XRN1: variants seen among roughly 807,000 people sequenced by gnomAD.
XRN1 encodes strand-exchange protein 1 homolog.
In XRN1, 67 loss-of-function variants were observed where a neutral mutation model predicts 222.3. The ratio of observed to expected loss-of-function variants is 0.30; its 90% CI spans 0.25 to 0.37. The LOEUF is 0.37. Ranked by LOEUF, XRN1 falls within the 10% of genes least tolerant of loss-of-function variation. The pLI is 1.00. For missense variants in XRN1, 1,707 were observed against 2,000.2 expected, an observed-to-expected ratio of 0.85 and a Z score of 2.80; for synonymous variants, 643 against 652.4, an observed-to-expected ratio of 0.99 and a Z score of 0.22.
Position 142,400,453 on chromosome 3 carries a change from C to G in XRN1, c.2198G>C (p.Gly733Ala). Residue 733 changes from glycine (G) to alanine (A), a missense_variant, in exon 19 of 41, where the codon GGA (glycine) becomes GCA (alanine). Around this residue, in one of 2 missense-constraint regions of XRN1, gnomAD observed 1,234 missense variants for 1,518.2 expected, o/e 0.81. Transcript: ENST00000392981. ...ATCAAATCTTACTTACTTAGTTTCT[C>G]CATCTGATACAGCCACGACTCTAGC... ...EEARVVAVSD[G>A]ETKFYLEEPP... 6.2e-7 allele frequency: 1 copy of G among 1,604,158 alleles called. No individual in the cohort carries two copies. The highest frequency in any genetic ancestry group is 2.2e-5 in the East Asian group (1 of 44,708).
At chr3:142,395,169 G>A (rs997034705) in intron 20 of XRN1, among the ~76,000 whole-genome samples, 4 of 152,164 alleles carry the variant, frequency 2.6e-5, no homozygotes, top group Non-Finnish European at 5.9e-5. Context: ...CTCAGGGGCA[G>A]AGCAACAGTA....
chr3:142,341,515 G>A (rs1315250136), intron 33 of XRN1, among the ~76,000 whole-genome samples: 1 of 151,426 alleles, frequency 6.6e-6, no homozygotes, highest in Non-Finnish European at 1.5e-5. Context: ...AAAGGAGGAA[G>A]GGAAGACCAA....
chr3:142,425,339 A>G lies in XRN1; in HGVS notation c.517-7T>C, dbSNP rs2069200309. The G allele has an allele frequency of 6.3e-7, 1 of 1,593,514 alleles. No individual in the cohort carries two copies. Among genetic ancestry groups the G allele is most frequent in the South Asian group, 1.2e-5 (1 of 86,852 alleles). The stretch of plus-strand genomic sequence containing the variant: ...GCTCTCCTTCTCCAGGAGTCTAAAT[A>G]AAATTGTTTTTAAAAATGCAGTAAT... On this transcript the variant is annotated splice_region_variant and splice_polypyrimidine_tract_variant and intron_variant, in intron 4 of 40. Transcript: ENST00000392981.
chr3:142,438,940 C>A (rs13071736), intron 1 of XRN1, among the ~76,000 whole-genome samples: 1 of 149,766 alleles, frequency 6.7e-6, no homozygotes, highest in Non-Finnish European at 1.5e-5. Flanking sequence ...CTAACAAGGA[C>A]CCCCCTTTAA....
intron 19 of XRN1, among the ~76,000 whole-genome samples, chr3:142,399,958 A>C (rs1399907829): frequency 6.6e-6 from 1 of 151,986 alleles, no homozygotes; most frequent in Non-Finnish European, 1.5e-5. Flanking sequence ...ATAATAAAAA[A>C]ACGACAAAAA....
At chr3:142,346,235 T>G (rs1210184276) in intron 33 of XRN1, among the ~76,000 whole-genome samples, 2 of 152,204 alleles carry the variant, frequency 1.3e-5, no homozygotes, top group Non-Finnish European at 1.5e-5. Context: ...TCCCTCCATA[T>G]CTGTGGAAGA....
intron 32 of XRN1, among the ~76,000 whole-genome samples, chr3:142,350,575 C>T (rs2066276312): frequency 6.6e-6 from 1 of 152,124 alleles, no homozygotes; most frequent in Non-Finnish European, 1.5e-5. Flanking sequence ...ACTCTGCCTG[C>T]TGTCTTGAGA....
intron 1 of XRN1, among the ~76,000 whole-genome samples, chr3:142,434,612 T>A (rs1277852234): frequency 6.8e-6 from 1 of 146,986 alleles, no homozygotes; most frequent in Admixed American, 7.0e-5. Flanking sequence ...AAAAGAAGAA[T>A]AAGCTGGGTG....
chr3:142,417,292 CGGT>C, intron 12 of XRN1, 63 bp from the exon 13 acceptor site: 9 of 1,343,792 alleles, frequency 6.7e-6, no homozygotes, highest in Non-Finnish European at 9.5e-6. Flanking sequence ...CTTTAGAGCA[CGGT>C]ATCTGCTGAT....
chr3:142,335,530 A>C, intron 33 of XRN1, 21 bp from the exon 34 acceptor site: 1 of 1,601,640 alleles, frequency 6.2e-7, no homozygotes, highest in Non-Finnish European at 8.5e-7. Context: ...GAAAACAGAA[A>C]TTTTCATAAA....
chr3:142,441,308 C>T (rs1011950367), intron 1 of XRN1, among the ~76,000 whole-genome samples: 1 of 152,170 alleles, frequency 6.6e-6, no homozygotes, highest in African/African-American at 2.4e-5. Flanking sequence ...ATTAAGGAAA[C>T]TCAGAAAGCC....
intron 13 of XRN1, among the ~76,000 whole-genome samples, chr3:142,414,537 C>T (rs2068712267): frequency 6.6e-6 from 1 of 151,614 alleles, no homozygotes; most frequent in Non-Finnish European, 1.5e-5. Flanking sequence ...GCTCTGTTGC[C>T]CAGGCTGGAG....
chr3:142,373,990 A>G (rs773170400), intron 25 of XRN1, among the ~76,000 whole-genome samples: 2 of 152,140 alleles, frequency 1.3e-5, no homozygotes, highest in African/African-American at 4.8e-5. Flanking sequence ...AAACAAAGCA[A>G]AACAAAAATA....
intron 39 of XRN1, among the ~76,000 whole-genome samples, chr3:142,315,064 A>G (rs1363623827): frequency 6.7e-6 from 1 of 149,140 alleles, no homozygotes; most frequent in Non-Finnish European, 1.5e-5. Context: ...CCTCCTGAAT[A>G]GCTGGAACTA....
chr3:142,418,717 A>G, intron 11 of XRN1, 98 bp downstream of exon 11: 1 of 1,479,180 alleles, frequency 6.8e-7, no homozygotes, highest in Non-Finnish European at 9.3e-7. Flanking sequence ...ATGCTATCAC[A>G]GAAATCTGTT....
rs545180339 is a variant in XRN1, at chr3:142,440,864, G to A, written c.75+7006C>T. On this transcript the variant is annotated intron_variant, in intron 1 of 40. Coordinates refer to ENST00000392981, the MANE Select transcript of XRN1 (RefSeq NM_001282857.2). ...CCTTTGAAGAGCCTTCGAACCCAACGTCTTAACTCACCTGGACTGTTTTAC... is the reference window on the plus strand; with the variant it reads ...CCTTTGAAGAGCCTTCGAACCCAACATCTTAACTCACCTGGACTGTTTTAC... Among the ~76,000 whole-genome samples, 8 of 152,288 alleles carry A rather than the reference G, an allele frequency of 5.3e-5. No individual in the cohort carries two copies. In the South Asian group the frequency reaches 1.0e-3, roughly 20 times the overall value.
At chr3:142,359,125 A>G (rs993509314) in intron 30 of XRN1, among the ~76,000 whole-genome samples, 22 of 152,178 alleles carry the variant, frequency 1.4e-4, no homozygotes, top group African/African-American at 5.3e-4. Flanking sequence ...TTTTATCATG[A>G]TACTTGTTCC....
intron 10 of XRN1, among the ~76,000 whole-genome samples, chr3:142,419,926 G>A (rs1270768484): frequency 6.6e-6 from 1 of 152,074 alleles, no homozygotes; most frequent in Non-Finnish European, 1.5e-5. Context: ...TATCAGAGAT[G>A]CTCTGCAGGG....
rs778448956 is a variant in XRN1 at position 142,360,869 on chromosome 3, G to A, written c.3395-938C>T. On this transcript the variant is annotated intron_variant, in intron 29 of 40. Transcript: ENST00000392981. ...AGCCTGGGCGACAGAGCGAGACTCC[G>A]TCTCAAAAAAAAAAAAAAAAACCAA... Among the ~76,000 whole-genome samples, 167 of 39,932 alleles carry A rather than the reference G, an allele frequency of 4.2e-3. 1 individual carries two copies. Among genetic ancestry groups the A allele is most frequent in the Non-Finnish European group, 5.3e-3 (121 of 22,930 alleles). 26.2% of individuals were successfully genotyped at this position (39,932 alleles called of 152,430 possible). A position where few individuals can be genotyped will look rare whatever the true frequency, so the allele number is the denominator to read the frequency against.
Sources: allele counts gnomAD v4.1 joint callset (sites outside exome capture counted in the v4.1 genomes callset), GRCh38; gene constraint gnomAD v4.1.1; regional missense constraint gnomAD v4.1.1; transcripts MANE v1.5; gene names NCBI Gene and HGNC (gene_info 2026-07-23, HGNC 2026-07-21).